The following NBAS variants were observed in gnomAD, a reference collection of about 807,000 sequenced individuals.
NBAS encodes NAG/BC035112 fusion.
Under a neutral mutation model 302.5 loss-of-function variants are expected in NBAS, and 219 were observed. That is an observed-to-expected ratio of 0.72 (90% CI 0.65 to 0.81). NBAS has a LOEUF of 0.81. Among genes scored for constraint, NBAS ranks in the 30% least tolerant of loss-of-function variants. The pLI, the probability that NBAS is intolerant of heterozygous loss-of-function variation, is 0.00. For missense variants in NBAS, 2,932 were observed against 2,841.6 expected (o/e 1.03, Z -0.72); for synonymous variants, 1,118 against 1,021.6 (o/e 1.09, Z -1.80).
intron 21 of NBAS, among the ~76,000 whole-genome samples, chr2:15,454,169 C>T (rs1429545439): frequency 2.0e-5 from 3 of 152,112 alleles, no homozygotes; most frequent in African/African-American, 7.2e-5. Context: ...TTAAATACTG[C>T]AATATTTCAA....
chr2:15,051,438 T>C, the NBAS span, among the ~76,000 whole-genome samples: 1 of 152,288 alleles, frequency 6.6e-6, no homozygotes, highest in Non-Finnish European at 1.5e-5. Context: ...GATTTTAAGG[T>C]GGACACACCT....
At chr2:14,957,733 T>C in the NBAS span, among the ~76,000 whole-genome samples, 1 of 152,096 alleles carries the variant, frequency 6.6e-6, no homozygotes, top group Admixed American at 6.6e-5. Flanking sequence ...GAGCGTCCCA[T>C]CTCTCTTTTC....
chr2:15,178,903 T>A, intron 51 of NBAS, 85 bp downstream of exon 51: 3 of 1,576,070 alleles, frequency 1.9e-6, no homozygotes, highest in Admixed American at 1.7e-5. Context: ...AACCACGGTG[T>A]TATTTATGAG....
At chr2:15,296,544 CAA>C (rs34796342) in intron 40 of NBAS, among the ~76,000 whole-genome samples, 3 of 148,664 alleles carry the variant, frequency 2.0e-5, no homozygotes, top group Admixed American at 1.3e-4. Flanking sequence ...CAAAACAAAA[CAA>C]AAAAAAAAAC....
the NBAS span, among the ~76,000 whole-genome samples, chr2:14,998,939 C>T: frequency 7.2e-5 from 11 of 152,276 alleles, no homozygotes; most frequent in South Asian, 1.0e-3. Context: ...TGGCAATCAT[C>T]GAATTAGTCC....
At chr2:15,086,940 T>C in the NBAS span, among the ~76,000 whole-genome samples, 8 of 152,118 alleles carry the variant, frequency 5.3e-5, no homozygotes, top group African/African-American at 1.4e-4. Flanking sequence ...TCCAATCAGT[T>C]GGAGACCTGA....
the NBAS span, among the ~76,000 whole-genome samples, chr2:15,010,673 T>C: frequency 6.6e-6 from 1 of 152,214 alleles, no homozygotes; most frequent in Non-Finnish European, 1.5e-5. Flanking sequence ...ACAAGAAATA[T>C]TCATATCTTA....
chr2:15,171,830 A>G (rs1469017), intron 51 of NBAS, among the ~76,000 whole-genome samples: 89,019 of 152,164 alleles, frequency 0.59, 28,448 homozygotes, highest in African/African-American at 0.83. Context: ...CACACAAAGC[A>G]AGGGTCAGCC....
At chr2:15,359,368 G>A (rs1376112985) in intron 32 of NBAS, among the ~76,000 whole-genome samples, 1 of 152,134 alleles carries the variant, frequency 6.6e-6, no homozygotes, top group Non-Finnish European at 1.5e-5. Context: ...TCTTTTAAAA[G>A]TATTTTCCCC....
At chr2:15,080,574 C>T in the NBAS span, among the ~76,000 whole-genome samples, 1 of 152,234 alleles carries the variant, frequency 6.6e-6, no homozygotes, top group African/African-American at 2.4e-5. Context: ...ATTTATGGAT[C>T]AAGAACTTGA....
At chr2:15,504,425 T>C (rs1054252914) in intron 10 of NBAS, among the ~76,000 whole-genome samples, 4 of 152,114 alleles carry the variant, frequency 2.6e-5, no homozygotes, top group African/African-American at 9.7e-5. Context: ...ACAAAAGACA[T>C]CCATGATCAA....
rs1181406675 is a variant in NBAS at position 15,234,562 on chromosome 2, T to A, written c.6129A>T (p.Lys2043Asn). 6.2e-7 allele frequency: 1 copy of A among 1,614,004 alleles called. No individual in the cohort carries two copies. Among genetic ancestry groups the A allele is most frequent in the East Asian group, 2.2e-5 (1 of 44,880 alleles). ...PKDIVQSAIM[K>N]IISALSGGSA... ...TAGCTTACCTCAATGCAGAAATTAT[T>A]TTCATGATTGCACTCTGCACTATAT... The change falls in exon 46 of 52, where the codon AAA becomes AAT. Residue 2043 changes from lysine (K) to asparagine (N), a missense_variant. Physicochemically the swap from Lys to Asn is moderately conservative, Grantham distance 94. Transcript: ENST00000281513.
intron 38 of NBAS, among the ~76,000 whole-genome samples, chr2:15,323,117 C>T (rs1442784762): frequency 1.3e-5 from 2 of 152,132 alleles, no homozygotes; most frequent in African/African-American, 4.8e-5. Context: ...TCAAGAAACA[C>T]CAGGGCAGAC....
the NBAS span, among the ~76,000 whole-genome samples, chr2:15,034,049 G>A: frequency 1.3e-4 from 11 of 87,650 alleles, no homozygotes; most frequent in East Asian, 9.8e-4. Context: ...GGAGGAGGAG[G>A]AGGAGGAGGA....
the NBAS span, among the ~76,000 whole-genome samples, chr2:14,977,696 T>G: frequency 3.3e-5 from 5 of 152,180 alleles, no homozygotes; most frequent in Non-Finnish European, 7.3e-5. Context: ...GCACCTGACC[T>G]AAGCTTGGAC....
chr2:14,779,412 C>A, the NBAS span, among the ~76,000 whole-genome samples: 3 of 152,226 alleles, frequency 2.0e-5, no homozygotes, highest in East Asian at 5.8e-4. Context: ...GAGTGGAGTG[C>A]AAAGCCCAAG....
At chr2:15,363,520 A>G (rs1385269696) in intron 32 of NBAS, among the ~76,000 whole-genome samples, 2 of 152,204 alleles carry the variant, frequency 1.3e-5, no homozygotes, top group Admixed American at 6.5e-5. Flanking sequence ...AGTGTCAAAA[A>G]AGGTGGAAAC....
intron 21 of NBAS, among the ~76,000 whole-genome samples, chr2:15,438,746 T>A (rs553616048): frequency 6.6e-6 from 1 of 152,112 alleles, no homozygotes; most frequent in Non-Finnish European, 1.5e-5. Flanking sequence ...AGACAATGGA[T>A]CAGAGAAGAA....
At chr2:15,166,366 A>G (rs1253000147), downstream of NBAS, among the ~76,000 whole-genome samples, 1 of 152,100 alleles carries the variant, frequency 6.6e-6, no homozygotes, top group Non-Finnish European at 1.5e-5. Context: ...TAAATTTTGA[A>G]GCCCTCTAAT....
Sources: allele counts gnomAD v4.1 joint callset (sites outside exome capture counted in the v4.1 genomes callset), GRCh38; gene constraint gnomAD v4.1.1; transcripts MANE v1.5; gene names NCBI Gene and HGNC (gene_info 2026-07-23, HGNC 2026-07-21).